The following EP300 variants were observed in gnomAD, a reference collection of about 807,000 sequenced individuals.
EP300 encodes histone acetyltransferase p300.
A neutral mutation model predicts 264.0 loss-of-function variants in EP300; 31 were observed. The observed-to-expected ratio is 0.12, with a 90% CI of 0.09 to 0.16. EP300 has a LOEUF of 0.16. EP300 is among the 10% of genes least tolerant of loss of function. EP300 has a pLI of 1.00. For synonymous variants in EP300, 1,340 were observed against 1,045.4 expected (o/e 1.28, Z -5.44); for missense variants, 2,766 against 3,052.9 (o/e 0.91, Z 2.21).
At chr22:41,113,942 C>T (rs1286693314) in intron 1 of EP300, among the ~76,000 whole-genome samples, 1 of 151,984 alleles carries the variant, frequency 6.6e-6, no homozygotes, top group African/African-American at 2.4e-5. Context: ...TTATCACTGC[C>T]TGTTTTTAAA....
intron 2 of EP300, among the ~76,000 whole-genome samples, chr22:41,120,345 G>A (rs1036424392): frequency 6.6e-5 from 10 of 152,092 alleles, no homozygotes; most frequent in Non-Finnish European, 1.2e-4. Flanking sequence ...TCCTTGTGTC[G>A]TGGCACACCC....
In EP300 at chr22:41,178,762, C is replaced by T; in HGVS notation, c.7051C>T (p.Leu2351=). Residue 2351 remains leucine, a synonymous_variant, in exon 31 of 31, where the codon CTG becomes TTG. Coordinates refer to ENST00000263253, the MANE Select transcript of EP300 (RefSeq NM_001429.4). ...ACAGACAAGTTCCCCACATCCTGGA[C>T]TGGTAGCTGCCCAGGCCAACCCCAT... ...SPQTSSPHPG[L]VAAQANPMEQ... is the part of the protein sequence containing the mutation. The T allele has an allele frequency of 6.2e-7, 1 of 1,614,168 alleles. No homozygotes were observed.
chr22:41,128,587 A>G (rs1445726894), intron 4 of EP300, among the ~76,000 whole-genome samples: 2 of 152,056 alleles, frequency 1.3e-5, no homozygotes, highest in Admixed American at 1.3e-4. Context: ...GGCTCACTGC[A>G]AACTCCACCT....
Position 41,177,635 on chromosome 22 carries a change from GT to G in EP300, c.5925del (p.Ser1977ValfsTer39). ...ATGAACCCACCTCCCATGACCAGAG[GT>G]CCCAGTGGGCATTTGGAGCCAGGGA... Reference protein sequence around the residue: ...MGMNPPPMTRGPSGHLEPGMG... With the variant: ...MGMNPPPMTRXPSGHLEPGMG... On this transcript the variant is annotated frameshift_variant, in exon 31 of 31. Transcript: ENST00000263253. LOFTEE classifies it high-confidence loss of function. 6.2e-7 allele frequency: 1 copy of G among 1,614,112 alleles called. No homozygotes were observed.
intron 11 of EP300, 85 bp from the exon 12 acceptor site, chr22:41,147,752 A>G: frequency 1.0e-6 from 1 of 970,236 alleles, no homozygotes; most frequent in South Asian, 1.4e-5. Context: ...AAAAAAAAAG[A>G]TACAGAATCA....
intron 20 of EP300, 124 bp downstream of exon 20, chr22:41,160,846 AT>A: frequency 7.3e-6 from 6 of 824,668 alleles, no homozygotes; most frequent in Non-Finnish European, 1.2e-5. Context: ...ACATGTTGCT[AT>A]TTAAATGCAT....
chr22:41,151,742 T>C (rs2059046595), intron 14 of EP300, 91 bp from the exon 15 acceptor site: 1 of 1,340,770 alleles, frequency 7.5e-7, no homozygotes, highest in African/African-American at 1.4e-5. Flanking sequence ...AGGTGGCTAA[T>C]TCTGCTATCC....
intron 10 of EP300, among the ~76,000 whole-genome samples, chr22:41,142,310 C>T (rs2058987207): frequency 6.6e-6 from 1 of 152,200 alleles, no homozygotes; most frequent in South Asian, 2.1e-4. Flanking sequence ...AAGTTCATCT[C>T]TTTCATTCAT....
chr22:41,166,654 T>G lies in EP300; in HGVS notation c.3862T>G (p.Phe1288Val). The G allele has an allele frequency of 6.2e-7, 1 of 1,611,726 alleles. No homozygotes were observed. Among genetic ancestry groups the G allele is most frequent in the Non-Finnish European group, 8.5e-7 (1 of 1,178,912 alleles). Reference sequence around the variant, plus strand: ...TGCACGAACTAGGAAAGAAAATAAGTTTTCTGCTAAAAGTAAGTTTTATTC... The same window carrying G: ...TGCACGAACTAGGAAAGAAAATAAGGTTTCTGCTAAAAGTAAGTTTTATTC... ...KSARTRKENK[F>V]SAKRLPSTRL... Residue 1288 changes from phenylalanine (F) to valine (V), a missense_variant, in exon 23 of 31, where the codon TTT becomes GTT. Phe to Val is a conservative substitution (Grantham distance 50). Transcript: ENST00000263253.
In EP300 at chr22:41,178,372, C is replaced by T; in HGVS notation, c.6661C>T (p.Pro2221Ser). The change falls in exon 31 of 31, where the codon CCA becomes TCA. Residue 2221 changes from proline to serine, a missense_variant. Pro to Ser is a moderately conservative substitution (Grantham distance 74). Coordinates refer to ENST00000263253, the MANE Select transcript of EP300 (RefSeq NM_001429.4). Reference sequence around the variant, plus strand: ...GCAACCCCAAGGAGTTGGCTACCCACCACAGCAGCAGCAGCGGATGCAGCA... The same window carrying T: ...GCAACCCCAAGGAGTTGGCTACCCATCACAGCAGCAGCAGCGGATGCAGCA... Reference protein sequence around the residue: ...FQQPQGVGYPPQQQQRMQHHM... With the variant: ...FQQPQGVGYPSQQQQRMQHHM... 6.2e-7 allele frequency: 1 copy of T among 1,614,168 alleles called. No individual in the cohort carries two copies. Among genetic ancestry groups the T allele is most frequent in the Non-Finnish European group, 8.5e-7 (1 of 1,180,038 alleles).
At chr22:41,106,341 T>C (rs151250333) in intron 1 of EP300, among the ~76,000 whole-genome samples, 2,575 of 152,324 alleles carry the variant, frequency 0.017, 50 homozygotes, top group Non-Finnish European at 0.022. Flanking sequence ...ACTAATGTTA[T>C]GTAGGTTTGG....
intron 23 of EP300, among the ~76,000 whole-genome samples, chr22:41,167,570 GTGTGTGTGTGTGTGTATATA>G (rs1229983153): frequency 6.4e-4 from 27 of 42,242 alleles, no homozygotes; most frequent in African/African-American, 2.8e-3. Flanking sequence ...TTGTGTGTGT[GTGTGTGTGTGTGTGTATATA>G]TATATATATA....
At chr22:41,098,430 G>A (rs2058713817) in intron 1 of EP300, among the ~76,000 whole-genome samples, 1 of 152,204 alleles carries the variant, frequency 6.6e-6, no homozygotes, top group Admixed American at 6.5e-5. Context: ...GGAGTGCAGT[G>A]GCGCGATCTC....
Position 41,168,711 on chromosome 22 carries a change from A to G in EP300, c.4026-10A>G, listed in dbSNP as rs1283895174. On this transcript the variant is annotated splice_polypyrimidine_tract_variant and intron_variant, in intron 24 of 30. Coordinates refer to ENST00000263253, the MANE Select transcript of EP300 (RefSeq NM_001429.4). ...TATGTTGTGGTTCCCCCACCATCTC[A>G]ATTGTATAGGTTTGTGGACAGTGGA... is the stretch of plus-strand genomic sequence containing the variant. 1.2e-6 allele frequency: 2 copies of G among 1,614,210 alleles called. No individual in the cohort carries two copies. The highest frequency in any genetic ancestry group is 2.2e-5 in the East Asian group (1 of 44,892).
At chr22:41,166,716 A>G (rs1193915500) in intron 23 of EP300, 50 bp downstream of exon 23, 1 of 1,310,904 alleles carries the variant, frequency 7.6e-7, no homozygotes, top group Admixed American at 1.7e-5. Context: ...TCTGAAGCCT[A>G]GATAAGAAAC....
intron 10 of EP300, among the ~76,000 whole-genome samples, chr22:41,143,384 C>T (rs1159276484): frequency 1.3e-5 from 2 of 152,030 alleles, no homozygotes; most frequent in African/African-American, 2.4e-5. Flanking sequence ...CCCAGGAGGT[C>T]AAGGCTGCAG....
intron 17 of EP300, among the ~76,000 whole-genome samples, 184 bp from the exon 18 acceptor site, chr22:41,156,985 G>A (rs1183247842): frequency 6.6e-6 from 1 of 152,180 alleles, no homozygotes; most frequent in African/African-American, 2.4e-5. Context: ...TGCCCTTTGA[G>A]TAGTTTAATA....
chr22:41,154,044 C>A (rs1259015050), intron 16 of EP300, among the ~76,000 whole-genome samples: 6 of 152,122 alleles, frequency 3.9e-5, no homozygotes, highest in Admixed American at 2.0e-4. Flanking sequence ...CAAATTTTTC[C>A]GGACTTTTTG....
intron 1 of EP300, among the ~76,000 whole-genome samples, chr22:41,101,350 C>T (rs892199298): frequency 3.3e-5 from 5 of 151,552 alleles, no homozygotes; most frequent in Admixed American, 1.3e-4. Flanking sequence ...GTATTAGAGG[C>T]GAGAGCCACA....
Sources: gnomAD v4.1 joint callset for allele counts (sites outside exome capture counted in the v4.1 genomes callset) on GRCh38, gnomAD v4.1.1 for gene constraint, MANE v1.5 for transcripts, NCBI Gene and HGNC (gene_info 2026-07-23, HGNC 2026-07-21) for gene names.